Variants in RSRC1 observed in about 807,000 individuals in gnomAD.
RSRC1 encodes the protein serine/Arginine-related protein 53.
In RSRC1, 39 loss-of-function variants were observed where a neutral mutation model predicts 49.1. That is an observed-to-expected ratio of 0.79 (90% CI 0.61 to 1.04). The LOEUF is 1.04. RSRC1 is among the 50% of genes least tolerant of loss of function. The pLI is 0.00. For missense variants in RSRC1, 388 were observed against 402.4 expected (o/e 0.96, Z 0.31); for synonymous variants, 143 against 130.8 (o/e 1.09, Z -0.63).
intron 9 of RSRC1, chr3:158,543,753 T>C: frequency 2.9e-6 from 1 of 339,286 alleles, no homozygotes; most frequent in Non-Finnish European, 5.2e-6. Context: ...TTTTTCCTTT[T>C]TTTTTTTTTT....
At chr3:158,200,810 T>G (rs568159956) in intron 3 of RSRC1, among the ~76,000 whole-genome samples, 1 of 152,306 alleles carries the variant, frequency 6.6e-6, no homozygotes, top group South Asian at 2.1e-4. Context: ...TAGAGGTTAT[T>G]TGTATTATGT....
At chr3:158,167,097 C>T (rs539695324) in intron 3 of RSRC1, among the ~76,000 whole-genome samples, 14 of 152,106 alleles carry the variant, frequency 9.2e-5, no homozygotes, top group African/African-American at 3.1e-4. Context: ...ATTGTTTTAT[C>T]CTTTGAGGCT....
chr3:158,436,548 AT>A (rs1464553012), intron 6 of RSRC1, among the ~76,000 whole-genome samples: 2 of 151,984 alleles, frequency 1.3e-5, no homozygotes, highest in African/African-American at 4.8e-5. Flanking sequence ...TCTCGGAAAT[AT>A]TGGAGAAACC....
chr3:158,182,486 C>G (rs572925631), intron 3 of RSRC1, among the ~76,000 whole-genome samples: 35 of 152,188 alleles, frequency 2.3e-4, no homozygotes, highest in African/African-American at 8.2e-4. Flanking sequence ...TTCAAGATAT[C>G]CTACGTCTTA....
chr3:158,168,549 T>G (rs78043483), intron 3 of RSRC1, among the ~76,000 whole-genome samples: 4,056 of 152,304 alleles, frequency 0.027, 165 homozygotes, highest in African/African-American at 0.093. Context: ...TTCTTTTTAT[T>G]TATAGATTTT....
intron 7 of RSRC1, among the ~76,000 whole-genome samples, chr3:158,478,494 G>T (rs1366193116): frequency 1.3e-5 from 2 of 151,796 alleles, no homozygotes; most frequent in Non-Finnish European, 2.9e-5. Context: ...AAGCAAAAAT[G>T]GAATTCTGAC....
chr3:158,510,285 A>G (rs182600899), intron 7 of RSRC1, among the ~76,000 whole-genome samples: 1 of 152,114 alleles, frequency 6.6e-6, no homozygotes, highest in Non-Finnish European at 1.5e-5. Flanking sequence ...TTTTAATTAC[A>G]TGTTTCTATT....
chr3:158,239,795 A>G (rs1299888702), intron 4 of RSRC1, among the ~76,000 whole-genome samples: 5 of 152,138 alleles, frequency 3.3e-5, no homozygotes, highest in Non-Finnish European at 5.9e-5. Context: ...TTCTTTGGTC[A>G]GATATGTGTT....
In RSRC1 at chr3:158,423,569, T is replaced by C. The variant is rs1208333409; in HGVS notation, c.584-37366T>C. Among the ~76,000 whole-genome samples, 4 of 152,180 alleles carry C rather than the reference T, an allele frequency of 2.6e-5. 1 individual carries two copies. The South Asian group carries it at 8.3e-4, about 32-fold the overall frequency. ...TGACTTGGCGATGCGGGCTCTTTTT[T>C]GGTTCCAAATGAACTTTAAAGTAGT... On this transcript the variant is annotated intron_variant, in intron 6 of 9. Coordinates refer to ENST00000611884, the MANE Select transcript of RSRC1 (RefSeq NM_001271838.2).
chr3:158,379,193 T>C (rs1026708583), intron 6 of RSRC1, among the ~76,000 whole-genome samples: 11 of 52,568 alleles, frequency 2.1e-4, no homozygotes, highest in African/African-American at 4.0e-4. Context: ...GAAATACCAC[T>C]TTTTTTTTTT....
At chr3:158,211,170 C>T (rs1209226966) in intron 4 of RSRC1, among the ~76,000 whole-genome samples, 1 of 151,892 alleles carries the variant, frequency 6.6e-6, no homozygotes, top group Non-Finnish European at 1.5e-5. Flanking sequence ...CATTAACATT[C>T]AGGAATAAAA....
rs1008130423 is a variant in RSRC1, at chr3:158,379,349, C to T, written c.583+24441C>T. Among the ~76,000 whole-genome samples the T allele has an allele frequency of 7.3e-5, 11 of 151,712 alleles. No individual in the cohort carries two copies. In the South Asian group the frequency reaches 1.0e-3, roughly 14 times the overall value. On this transcript the variant is annotated intron_variant, in intron 6 of 9. Coordinates refer to ENST00000611884, the MANE Select transcript of RSRC1 (RefSeq NM_001271838.2). ...CTGAGTAGCTGGGACTATAGGCACC[C>T]GCCACCACGCCCGGCTAATTTTTTG...
chr3:158,134,833 G>A (rs1283820210), intron 3 of RSRC1, among the ~76,000 whole-genome samples: 1 of 152,160 alleles, frequency 6.6e-6, no homozygotes, highest in Non-Finnish European at 1.5e-5. Context: ...GAGATGTGGA[G>A]TTGTCACGTT....
intron 6 of RSRC1, among the ~76,000 whole-genome samples, chr3:158,382,083 A>T (rs73874394): frequency 0.074 from 11,251 of 152,188 alleles, 491 homozygotes; most frequent in South Asian, 0.13. Context: ...TTTAAAAAAA[A>T]TTTTTTTAAC....
intron 3 of RSRC1, among the ~76,000 whole-genome samples, chr3:158,176,408 A>G (rs1455763646): frequency 5.3e-5 from 8 of 152,222 alleles, no homozygotes. Flanking sequence ...ACTATACTAC[A>G]AGGCTACAGT....
At chr3:158,416,887 C>T (rs576337826) in intron 6 of RSRC1, among the ~76,000 whole-genome samples, 8 of 151,998 alleles carry the variant, frequency 5.3e-5, no homozygotes, top group African/African-American at 9.6e-5. Flanking sequence ...ATAGGAATAA[C>T]ACTTTAGAAC....
chr3:158,351,938 A>G (rs1322682470), intron 5 of RSRC1, among the ~76,000 whole-genome samples: 1 of 147,346 alleles, frequency 6.8e-6, no homozygotes, highest in Non-Finnish European at 1.5e-5. Flanking sequence ...AATATATATA[A>G]TAGATAATTA....
chr3:158,393,947 C>T (rs1733470815), intron 6 of RSRC1, among the ~76,000 whole-genome samples: 1 of 151,956 alleles, frequency 6.6e-6, no homozygotes, highest in Non-Finnish European at 1.5e-5. Flanking sequence ...CATTAAAAAG[C>T]TAATCCACTA....
rs148229998 is a variant in RSRC1 at position 158,212,654 on chromosome 3, G to C, written c.494+9409G>C. 1.3e-3 allele frequency among the ~76,000 whole-genome samples: 198 copies of C among 151,980 alleles called. 1 individual carries two copies. The highest frequency in any genetic ancestry group is 4.6e-3 in the African/African-American group (190 of 41,518). ...CACTATTTCATTGAGATCTTTAACTGAAGGCCTTAGTGTTTGCCTTTAGTA... is the reference window on the plus strand; with the variant it reads ...CACTATTTCATTGAGATCTTTAACTCAAGGCCTTAGTGTTTGCCTTTAGTA... On this transcript the variant is annotated intron_variant, in intron 4 of 9. Coordinates refer to ENST00000611884, the MANE Select transcript of RSRC1 (RefSeq NM_001271838.2).
Sources: gnomAD v4.1 joint callset for allele counts (sites outside exome capture counted in the v4.1 genomes callset) on GRCh38, gnomAD v4.1.1 for gene constraint, MANE v1.5 for transcripts, NCBI Gene and HGNC (gene_info 2026-07-23, HGNC 2026-07-21) for gene names.